The following SEMA6B variants were observed in gnomAD, a reference collection of about 807,000 sequenced individuals.
The protein encoded by SEMA6B is semaphorin 6B, also known as semaphorin-6B.
In SEMA6B, 47 loss-of-function variants were observed where a neutral mutation model predicts 78.6. That is an observed-to-expected ratio of 0.60 (90% CI 0.47 to 0.76). SEMA6B has a LOEUF of 0.76. SEMA6B is among the 30% of genes least tolerant of loss of function. The pLI, the probability that SEMA6B is intolerant of heterozygous loss-of-function variation, is 0.00. For missense variants in SEMA6B, 1,213 were observed against 1,269.9 expected (o/e 0.96, Z 0.68); for synonymous variants, 632 against 592.2 (o/e 1.07, Z -0.98).
Position 4,550,378 on chromosome 19 carries a change from G to GTTTC in SEMA6B, c.1122-107_1122-106insGAAA, listed in dbSNP as rs1977294300. Reference sequence around the variant, plus strand: ...TTGCCCAACGACCCTCAGGTTTTTTGTTTGTTTTGTTTTTGAGACAGAGTC... The same window carrying GTTTC: ...TTGCCCAACGACCCTCAGGTTTTTTGTTTCTTTGTTTTGTTTTTGAGACAGAGTC... On this transcript the variant is annotated intron_variant, in intron 11 of 16. Transcript: ENST00000586582. The surrounding 1 kb of genome is among the most constrained non-coding windows in gnomAD (Gnocchi z 6.6). 4.7e-6 allele frequency: 6 copies of GTTTC among 1,282,892 alleles called. No individual in the cohort carries two copies. In the Middle Eastern group the frequency reaches 7.6e-4, roughly 163 times the overall value. 79.5% of individuals were successfully genotyped at this position (1,282,892 alleles called of 1,614,324 possible).
chr19:4,548,298 G>C lies in SEMA6B; in HGVS notation c.1419C>G (p.Val473=). 2 of 1,613,686 alleles carry C rather than the reference G, an allele frequency of 1.2e-6. No homozygotes were observed. Among genetic ancestry groups the C allele is most frequent in the Non-Finnish European group, 1.7e-6 (2 of 1,179,802 alleles). ...ASTSGTSGLS[V]FLEEFETYRP... ...GGTAGGTCTCAAACTCCTCCAGGAAGACACTGAGCCCAGACGTCCCTGAGG... is the reference window on the plus strand; with the variant it reads ...GGTAGGTCTCAAACTCCTCCAGGAACACACTGAGCCCAGACGTCCCTGAGG... The change falls in exon 13 of 17, where the codon GTC becomes GTG. Residue 473 remains valine, a synonymous_variant. Coordinates refer to ENST00000586582, the MANE Select transcript of SEMA6B (RefSeq NM_032108.4).
chr19:4,543,999 G>T lies in SEMA6B; in HGVS notation c.2269C>A (p.Arg757=), dbSNP rs983794296. The T allele has an allele frequency of 1.7e-5, 21 of 1,208,766 alleles. No individual in the cohort carries two copies. In the African/African-American group the frequency reaches 3.3e-4, roughly 19 times the overall value. 74.9% of individuals were successfully genotyped at this position (1,208,766 alleles called of 1,614,324 possible). ...GGCGCGGGGGGCTGCTCGGGGGCCCGGGCGGGCGCCAGCAGCAGGAGGGAG... is the reference window on the plus strand; with the variant it reads ...GGCGCGGGGGGCTGCTCGGGGGCCCTGGCGGGCGCCAGCAGCAGGAGGGAG... ...SSSLLLLAPA[R]APEQPPAPGE... Residue 757 remains arginine (R), a synonymous_variant, in exon 17 of 17, where the codon CGG becomes AGG. Coordinates refer to ENST00000586582, the MANE Select transcript of SEMA6B (RefSeq NM_032108.4).
Position 4,555,378 on chromosome 19 carries a change from C to A in SEMA6B, c.562+96G>T. 8.9e-7 allele frequency: 1 copy of A among 1,120,902 alleles called. No individual in the cohort carries two copies. Among genetic ancestry groups the A allele is most frequent in the African/African-American group, 1.6e-5 (1 of 63,982 alleles). The allele number at this position is 1,120,902 out of a possible 1,614,324, so 69.4% of individuals were successfully genotyped here. Reference sequence around the variant, plus strand: ...TGTCACAGCTGGGACAAGTGGTCGTCCAGCTGCCTTCTAAACAACCCAGAC... The same window carrying A: ...TGTCACAGCTGGGACAAGTGGTCGTACAGCTGCCTTCTAAACAACCCAGAC... On this transcript the variant is annotated intron_variant, in intron 7 of 16. Coordinates refer to ENST00000586582, the MANE Select transcript of SEMA6B (RefSeq NM_032108.4). This position sits in a 1 kb window ranked among gnomAD's most constrained non-coding sequence, Gnocchi z 6.1.
In SEMA6B at chr19:4,543,905, G is replaced by C; in HGVS notation, c.2363C>G (p.Pro788Arg). Residue 788 changes from proline to arginine, a missense_variant, in exon 17 of 17, where the codon CCG becomes CGG. Pro to Arg is a moderately radical substitution (Grantham distance 103). Transcript: ENST00000586582. ...GTCCGGGCTGGCGTGGGGGGTGAGCGGGAAGTCGCCGTGGGAGGCGCGGCC... is the reference window on the plus strand; with the variant it reads ...GTCCGGGCTGGCGTGGGGGGTGAGCCGGAAGTCGCCGTGGGAGGCGCGGCC... ...RPGRASHGDFPLTPHASPDRR... is the reference protein window; with the variant it reads ...RPGRASHGDFRLTPHASPDRR... 1 of 1,203,528 alleles carries C rather than the reference G, an allele frequency of 8.3e-7. No individual in the cohort carries two copies. The highest frequency in any genetic ancestry group is 1.0e-6 in the Non-Finnish European group (1 of 970,092). The allele number at this position is 1,203,528 out of a possible 1,614,324, so 74.6% of individuals were successfully genotyped here. A position where few individuals can be genotyped will look rare whatever the true frequency, so the allele number is the denominator to read the frequency against.
chr19:4,548,538 CACTG>C (rs1214119827), intron 12 of SEMA6B, 93 bp from the exon 13 acceptor site: 25 of 1,144,488 alleles, frequency 2.2e-5, no homozygotes, highest in African/African-American at 3.1e-5. Context: ...TGCATACAGA[CACTG>C]ACACACCAAC....
chr19:4,555,370 G>C lies in SEMA6B; in HGVS notation c.562+104C>G. 1 of 1,022,956 alleles carries C rather than the reference G, an allele frequency of 9.8e-7. No homozygotes were observed. Among genetic ancestry groups the C allele is most frequent in the Non-Finnish European group, 1.4e-6 (1 of 691,056 alleles). The allele number at this position is 1,022,956 out of a possible 1,614,324, so 63.4% of individuals were successfully genotyped here. On this transcript the variant is annotated intron_variant, in intron 7 of 16. Coordinates refer to ENST00000586582, the MANE Select transcript of SEMA6B (RefSeq NM_032108.4). This position sits in a 1 kb window ranked among gnomAD's most constrained non-coding sequence, Gnocchi z 6.1. ...TCTGCCCATGTCACAGCTGGGACAA[G>C]TGGTCGTCCAGCTGCCTTCTAAACA...
At position 4,549,150 on chromosome 19, in the gene SEMA6B, T is replaced by G. The variant is rs10408781; in HGVS notation, c.1272-705A>C. On this transcript the variant is annotated intron_variant, in intron 12 of 16. Transcript: ENST00000586582. The stretch of plus-strand genomic sequence containing the variant: ...CCCGCTTTCTCCTGATATGTATGTG[T>G]GTCTGTGTATCTTTCAGTCTCTTTC... 9.7e-3 allele frequency among the ~76,000 whole-genome samples: 1,478 copies of G among 152,074 alleles called. 23 individuals carry two copies. Among genetic ancestry groups the G allele is most frequent in the African/African-American group, 0.034 (1,392 of 41,496 alleles).
At chr19:4,557,121 C>G (rs1977494490) in intron 4 of SEMA6B, 42 bp downstream of exon 4, 1 of 1,595,752 alleles carries the variant, frequency 6.3e-7, no homozygotes, top group African/African-American at 1.3e-5. Flanking sequence ...GCCGCGTCCC[C>G]CTGGCCCTAC....
chr19:4,551,597 T>C (rs1161587156), intron 10 of SEMA6B, among the ~76,000 whole-genome samples: 1 of 151,592 alleles, frequency 6.6e-6, no homozygotes. Context: ...TTTGGGAGGC[T>C]GAGGCGGGTG....
At position 4,548,452 on chromosome 19, in the gene SEMA6B, G is replaced by A. The variant is rs565999036; in HGVS notation, c.1272-7C>T. 3.1e-6 allele frequency: 5 copies of A among 1,609,670 alleles called. No individual in the cohort carries two copies. Among genetic ancestry groups the A allele is most frequent in the East Asian group, 2.2e-5 (1 of 44,794 alleles). On this transcript the variant is annotated splice_polypyrimidine_tract_variant and splice_region_variant and intron_variant, in intron 12 of 16. Coordinates refer to ENST00000586582, the MANE Select transcript of SEMA6B (RefSeq NM_032108.4). Reference sequence around the variant, plus strand: ...CACTCGAGTCAGCTGGTGCCTGGGGGACAGGGCAGGGGAGGGTCAGGCTGG... The same window carrying A: ...CACTCGAGTCAGCTGGTGCCTGGGGAACAGGGCAGGGGAGGGTCAGGCTGG...
In SEMA6B at chr19:4,550,921, G is replaced by A. The variant is rs1977314320; in HGVS notation, c.999C>T (p.Gly333=). Residue 333 remains glycine (G), a synonymous_variant, in exon 11 of 17, where the codon GGC becomes GGT. Transcript: ENST00000586582. The surrounding 1 kb of genome is among the most constrained non-coding windows in gnomAD (Gnocchi z 6.6). The part of the protein sequence containing the change: ...VFSTPSNSIP[G]SAVCAFDLTQ... ...TCAGGTCAAAGGCGCAGACAGCCGA[G>A]CCAGGGATGCTGAGGGGTTGGGATG... 6.2e-7 allele frequency: 1 copy of A among 1,613,546 alleles called. No homozygotes were observed. Among genetic ancestry groups the A allele is most frequent in the African/African-American group, 1.3e-5 (1 of 74,930 alleles).
chr19:4,548,578 G>T, intron 12 of SEMA6B, 133 bp from the exon 13 acceptor site: 1 of 813,094 alleles, frequency 1.2e-6, no homozygotes, highest in Non-Finnish European at 1.9e-6. Context: ...AAATGCGTGT[G>T]TGCATGGATG....
Position 4,552,866 on chromosome 19 carries a change from G to A in SEMA6B, c.772-227C>T, listed in dbSNP as rs1163376562. On this transcript the variant is annotated intron_variant, in intron 9 of 16. Transcript: ENST00000586582. This position sits in a 1 kb window ranked among gnomAD's most constrained non-coding sequence, Gnocchi z 7.4. ...AACAGTGACAACCATAATCATCACT[G>A]TTTCCACGAAGACCCACATTTTATT... Among the ~76,000 whole-genome samples the A allele has an allele frequency of 6.6e-6, 1 of 152,212 alleles. No homozygotes were observed.
At chr19:4,553,434 G>GGTGA (rs1259947295) in intron 9 of SEMA6B, among the ~76,000 whole-genome samples, 2 of 127,166 alleles carry the variant, frequency 1.6e-5, no homozygotes, top group East Asian at 5.4e-4. Context: ...ATGGGTGGAT[G>GGTGA]GTTGGATGGG....
chr19:4,548,313 C>T lies in SEMA6B; in HGVS notation c.1404G>A (p.Thr468=), dbSNP rs201859381. The stretch of plus-strand genomic sequence containing the variant: ...CCTCCAGGAAGACACTGAGCCCAGA[C>T]GTCCCTGAGGTGCTGGCATTGGGCC... ...LVRPNASTSG[T]SGLSVFLEEF... Residue 468 remains threonine (T), a synonymous_variant, in exon 13 of 17, where the codon ACG becomes ACA. Coordinates refer to ENST00000586582, the MANE Select transcript of SEMA6B (RefSeq NM_032108.4). 158 of 1,613,892 alleles carry T rather than the reference C, an allele frequency of 9.8e-5. No homozygotes were observed. The highest frequency in any genetic ancestry group is 2.0e-4 in the South Asian group (18 of 91,092).
At chr19:4,556,750 T>C (rs937582579) in intron 5 of SEMA6B, among the ~76,000 whole-genome samples, 11 of 148,668 alleles carry the variant, frequency 7.4e-5, no homozygotes, top group Admixed American at 2.0e-4. Context: ...CTAGGACCAA[T>C]TGGGTGGGGA....
chr19:4,556,954 C>T lies in SEMA6B; in HGVS notation c.366G>A (p.Gln122=). The change falls in exon 5 of 17, where the codon CAG becomes CAA. Residue 122 remains glutamine (Q), a synonymous_variant. Coordinates refer to ENST00000586582, the MANE Select transcript of SEMA6B (RefSeq NM_032108.4). ...GACCGAGCCAGGGCCAACTCACCTCCTGTTTGCCCTTCATCCGACACACGT... is the reference window on the plus strand; with the variant it reads ...GACCGAGCCAGGGCCAACTCACCTCTTGTTTGCCCTTCATCCGACACACGT... ...DINVCRMKGK[Q]EGECRNFVKV... is the part of the protein sequence containing the mutation. The T allele has an allele frequency of 6.2e-7, 1 of 1,612,908 alleles. No homozygotes were observed.
chr19:4,553,510 GGGCA>G (rs2145355489), intron 9 of SEMA6B, among the ~76,000 whole-genome samples: 1 of 149,052 alleles, frequency 6.7e-6, no homozygotes, highest in Admixed American at 6.7e-5. Context: ...GTGGGTGGAT[GGGCA>G]GATAAATGGA....
rs1300048957 is a variant in SEMA6B, at chr19:4,542,654, C to G, written c.*947G>C. ...TGGGGGAGGCAAACTCCAGAGAGGG[C>G]AGAGGACCCAGCCAGCCACGTGGCA... On this transcript the variant is annotated 3_prime_UTR_variant, in exon 17 of 17. Coordinates refer to ENST00000586582, the MANE Select transcript of SEMA6B (RefSeq NM_032108.4). The G allele has an allele frequency of 3.3e-6, 2 of 598,914 alleles. No individual in the cohort carries two copies. The highest frequency in any genetic ancestry group is 6.1e-6 in the Non-Finnish European group (2 of 325,892). 37.1% of individuals were successfully genotyped at this position (598,914 alleles called of 1,614,324 possible). A position where few individuals can be genotyped will look rare whatever the true frequency, so the allele number is the denominator to read the frequency against.
Sources: gnomAD v4.1 joint callset for allele counts (sites outside exome capture counted in the v4.1 genomes callset) on GRCh38, gnomAD v4.1.1 for gene constraint, Gnocchi (gnomAD v3.1) non-coding constraint, MANE v1.5 for transcripts, NCBI Gene and HGNC (gene_info 2026-07-23, HGNC 2026-07-21) for gene names.